Variants in TAF10 observed in about 807,000 individuals in gnomAD.
TAF10 encodes TATA-box binding protein associated factor 10.
Under a neutral mutation model 18.1 loss-of-function variants are expected in TAF10, and 2 were observed. That is an observed-to-expected ratio of 0.11 (90% CI 0.05 to 0.35). The LOEUF is 0.35. TAF10 is among the 10% of genes least tolerant of loss of function. TAF10 has a pLI of 1.00. For synonymous variants in TAF10, 158 were observed against 134.6 expected (o/e 1.17, Z -1.20); for missense variants, 293 against 306.9 (o/e 0.95, Z 0.34).
At chr11:6,611,341 A>C (rs978726312) in intron 3 of TAF10, 38 bp from the exon 4 acceptor site, 1 of 1,614,078 alleles carries the variant, frequency 6.2e-7, no homozygotes, top group Non-Finnish European at 8.5e-7. Context: ...GAGATGGACA[A>C]CATACTGCAC....
Position 6,610,172 on chromosome 11 carries a change from C to CA in TAF10, c.*749dup. 1 of 1,614,226 alleles carries CA rather than the reference C, an allele frequency of 6.2e-7. No individual in the cohort carries two copies. The highest frequency in any genetic ancestry group is 8.5e-7 in the Non-Finnish European group (1 of 1,180,030). On this transcript the variant is annotated 3_prime_UTR_variant, in exon 5 of 5. Coordinates refer to ENST00000299424, the MANE Select transcript of TAF10 (RefSeq NM_006284.4). Reference sequence around the variant, plus strand: ...GCTCTGCAGAAGAAGCCTGAAGACACAAACAGACGCTCAGCAGACATGTGG... The same window carrying CA: ...GCTCTGCAGAAGAAGCCTGAAGACACAAAACAGACGCTCAGCAGACATGTGG...
Position 6,611,028 on chromosome 11 carries a change from G to A in TAF10, c.568-17C>T. Reference sequence around the variant, plus strand: ...CTTGCGGTCCTGAGGGAAGAGGGAAGAGCACCAACTGAGCACAGGAATCCC... The same window carrying A: ...CTTGCGGTCCTGAGGGAAGAGGGAAAAGCACCAACTGAGCACAGGAATCCC... On this transcript the variant is annotated splice_polypyrimidine_tract_variant and intron_variant, in intron 4 of 4. Transcript: ENST00000299424. 1.9e-6 allele frequency: 3 copies of A among 1,613,334 alleles called. No homozygotes were observed. Among genetic ancestry groups the A allele is most frequent in the Non-Finnish European group, 1.7e-6 (2 of 1,179,568 alleles).
intron 2 of TAF10, 47 bp from the exon 3 acceptor site, chr11:6,611,499 A>G (rs779356629): frequency 3.2e-5 from 52 of 1,610,176 alleles, no homozygotes; most frequent in Admixed American, 6.7e-5. Context: ...GAGGAGGGTG[A>G]GGGAAATGGA....
Position 6,610,138 on chromosome 11 carries a change from A to C in TAF10, c.*784T>G, listed in dbSNP as rs769283883. 9.4e-5 allele frequency: 151 copies of C among 1,614,098 alleles called. No homozygotes were observed. The highest frequency in any genetic ancestry group is 1.3e-4 in the East Asian group (6 of 44,902). On this transcript the variant is annotated 3_prime_UTR_variant, in exon 5 of 5. Coordinates refer to ENST00000299424, the MANE Select transcript of TAF10 (RefSeq NM_006284.4). ...AAGGGGGCCAGAACAGACAAGCCCT[A>C]TCTCTCCAGCTCTGCAGAAGAAGCC...
rs767511440 is a variant in TAF10, at chr11:6,611,671, G to A, written c.380C>T (p.Thr127Met). ...GTTCGGGCGGAAGCCCACCGTAGGC[G>A]TGTAATCTTCCAGCTGCATCAAGAA... is the stretch of plus-strand genomic sequence containing the variant. Reference protein sequence around the residue: ...VDFLMQLEDYTPTIPDAVTGY... With the variant: ...VDFLMQLEDYMPTIPDAVTGY... Residue 127 changes from threonine (T) to methionine (M), a missense_variant, in exon 2 of 5, where the codon ACG (threonine) becomes ATG (methionine). Thr to Met is a moderately conservative substitution (Grantham distance 81, BLOSUM62 -1). Coordinates refer to ENST00000299424, the MANE Select transcript of TAF10 (RefSeq NM_006284.4). The A allele has an allele frequency of 1.9e-6, 3 of 1,590,608 alleles. No individual in the cohort carries two copies. The highest frequency in any genetic ancestry group is 1.7e-6 in the Non-Finnish European group (2 of 1,167,646).
In TAF10 at chr11:6,610,715, A is replaced by T; in HGVS notation, c.*207T>A. The T allele has an allele frequency of 6.9e-7, 1 of 1,451,208 alleles. No homozygotes were observed. Among genetic ancestry groups the T allele is most frequent in the Non-Finnish European group, 9.6e-7 (1 of 1,040,812 alleles). The allele number at this position is 1,451,208 out of a possible 1,614,324, so 89.9% of individuals were successfully genotyped here. A position where few individuals can be genotyped will look rare whatever the true frequency, so the allele number is the denominator to read the frequency against. ...CTGGTTGCCTCCCCCGCCTCCAGTC[A>T]TGGTACTACCCCAGCCATGGGGTCC... On this transcript the variant is annotated 3_prime_UTR_variant, in exon 5 of 5. Coordinates refer to ENST00000299424, the MANE Select transcript of TAF10 (RefSeq NM_006284.4).
In TAF10 at chr11:6,609,358, C is replaced by T; in HGVS notation, c.*1564G>A. Reference sequence around the variant, plus strand: ...TCGTGAAGGTGCTGAAGGTTCGAGACTGGAGTACAAGGAAGAGCAGGGACT... The same window carrying T: ...TCGTGAAGGTGCTGAAGGTTCGAGATTGGAGTACAAGGAAGAGCAGGGACT... On this transcript the variant is annotated 3_prime_UTR_variant, in exon 5 of 5. Transcript: ENST00000299424. 6.2e-7 allele frequency: 1 copy of T among 1,614,140 alleles called. No individual in the cohort carries two copies.
In TAF10 at chr11:6,610,410, C is replaced by T; in HGVS notation, c.*512G>A. ...CCTGTCCCAAGGGCCAGTGGCTTCTCTCTACATGACAGACTCAAATTGTGA... is the reference window on the plus strand; with the variant it reads ...CCTGTCCCAAGGGCCAGTGGCTTCTTTCTACATGACAGACTCAAATTGTGA... On this transcript the variant is annotated 3_prime_UTR_variant, in exon 5 of 5. Transcript: ENST00000299424. The T allele has an allele frequency of 6.2e-7, 1 of 1,613,936 alleles. No individual in the cohort carries two copies. Among genetic ancestry groups the T allele is most frequent in the Non-Finnish European group, 8.5e-7 (1 of 1,179,900 alleles).
rs766187520 is a variant in TAF10 at position 6,611,658 on chromosome 11, G to A, written c.387+6C>T. Reference sequence around the variant, plus strand: ...GCTAGGTGGCCTTGTTCGGGCGGAAGCCCACCGTAGGCGTGTAATCTTCCA... The same window carrying A: ...GCTAGGTGGCCTTGTTCGGGCGGAAACCCACCGTAGGCGTGTAATCTTCCA... On this transcript the variant is annotated splice_donor_region_variant and intron_variant, in intron 2 of 4. Coordinates refer to ENST00000299424, the MANE Select transcript of TAF10 (RefSeq NM_006284.4). 1 of 1,579,570 alleles carries A rather than the reference G, an allele frequency of 6.3e-7. No individual in the cohort carries two copies. The highest frequency in any genetic ancestry group is 1.2e-5 in the South Asian group (1 of 86,446).
chr11:6,610,289 A>C lies in TAF10; in HGVS notation c.*633T>G. On this transcript the variant is annotated 3_prime_UTR_variant, in exon 5 of 5. Transcript: ENST00000299424. The stretch of plus-strand genomic sequence containing the variant: ...GAGATTGGAATGAAGGTGAGAGCAC[A>C]ACAGCATACATTTGTGTTGCGGGAG... The C allele has an allele frequency of 6.8e-6, 11 of 1,614,154 alleles. No individual in the cohort carries two copies. Among genetic ancestry groups the C allele is most frequent in the Non-Finnish European group, 9.3e-6 (11 of 1,180,044 alleles).
Position 6,609,701 on chromosome 11 carries a change from A to G in TAF10, c.*1221T>C, listed in dbSNP as rs770562479. Reference sequence around the variant, plus strand: ...GGCAGAGAGGGAGCCTCTCTGAACTATTTGACTTTTGCCTCCTCTCAGATT... The same window carrying G: ...GGCAGAGAGGGAGCCTCTCTGAACTGTTTGACTTTTGCCTCCTCTCAGATT... On this transcript the variant is annotated 3_prime_UTR_variant, in exon 5 of 5. Coordinates refer to ENST00000299424, the MANE Select transcript of TAF10 (RefSeq NM_006284.4). The G allele has an allele frequency of 2.7e-5, 44 of 1,614,010 alleles. No homozygotes were observed. Among genetic ancestry groups the G allele is most frequent in the Non-Finnish European group, 3.6e-5 (43 of 1,180,022 alleles).
rs377346771 is a variant in TAF10 at position 6,609,057 on chromosome 11, G to A, written c.*1865C>T. On this transcript the variant is annotated 3_prime_UTR_variant, in exon 5 of 5. Coordinates refer to ENST00000299424, the MANE Select transcript of TAF10 (RefSeq NM_006284.4). ...TAGGGTGAAGCTGGGTACCTGACCT[G>A]CCCACACTCTTAGGAAATGGAACCC... 111 of 1,613,034 alleles carry A rather than the reference G, an allele frequency of 6.9e-5. No homozygotes were observed. Among genetic ancestry groups the A allele is most frequent in the Non-Finnish European group, 8.3e-5 (98 of 1,179,106 alleles).
At position 6,608,169 on chromosome 11, in the gene TAF10, G is replaced by A; in HGVS notation, c.*2753C>T. 6.2e-7 allele frequency: 1 copy of A among 1,614,178 alleles called. No individual in the cohort carries two copies. The highest frequency in any genetic ancestry group is 8.5e-7 in the Non-Finnish European group (1 of 1,180,030). On this transcript the variant is annotated 3_prime_UTR_variant, in exon 5 of 5. Transcript: ENST00000299424. This position sits in a 1 kb window ranked among gnomAD's most constrained non-coding sequence, Gnocchi z 4.9. ...TGAACCGTGGGGATGACACCCCCCT[G>A]CATCTGGCAGCCAGTCATGGACACC...
rs200599853 is a variant in TAF10 at position 6,610,417 on chromosome 11, T to C, written c.*505A>G. 11 of 1,613,962 alleles carry C rather than the reference T, an allele frequency of 6.8e-6. No individual in the cohort carries two copies. The East Asian group carries it at 2.4e-4, about 36-fold the overall frequency. ...CAAGGGCCAGTGGCTTCTCTCTACA[T>C]GACAGACTCAAATTGTGAGGCTGCT... On this transcript the variant is annotated 3_prime_UTR_variant, in exon 5 of 5. Coordinates refer to ENST00000299424, the MANE Select transcript of TAF10 (RefSeq NM_006284.4).
Position 6,610,274 on chromosome 11 carries a change from T to C in TAF10, c.*648A>G. On this transcript the variant is annotated 3_prime_UTR_variant, in exon 5 of 5. Transcript: ENST00000299424. The stretch of plus-strand genomic sequence containing the variant: ...GACCTCTCCAATATGGAGATTGGAA[T>C]GAAGGTGAGAGCACAACAGCATACA... 6.2e-7 allele frequency: 1 copy of C among 1,614,142 alleles called. No individual in the cohort carries two copies. Among genetic ancestry groups the C allele is most frequent in the Non-Finnish European group, 8.5e-7 (1 of 1,180,018 alleles).
rs1855425040 is a variant in TAF10, at chr11:6,610,795, T to C, written c.*127A>G. ...CCCCAAGAGGGGCGGGCTCAGAGCTTTGTCACTTGCCACATGGTGTCTCCC... is the reference window on the plus strand; with the variant it reads ...CCCCAAGAGGGGCGGGCTCAGAGCTCTGTCACTTGCCACATGGTGTCTCCC... On this transcript the variant is annotated 3_prime_UTR_variant, in exon 5 of 5. Transcript: ENST00000299424. 4 of 1,356,342 alleles carry C rather than the reference T, an allele frequency of 2.9e-6. No individual in the cohort carries two copies. The highest frequency in any genetic ancestry group is 1.4e-5 in the African/African-American group (1 of 69,988). 84.0% of individuals were successfully genotyped at this position (1,356,342 alleles called of 1,614,324 possible). A position where few individuals can be genotyped will look rare whatever the true frequency, so the allele number is the denominator to read the frequency against.
Position 6,609,364 on chromosome 11 carries a change from T to G in TAF10, c.*1558A>C, listed in dbSNP as rs1589939088. The stretch of plus-strand genomic sequence containing the variant: ...AGGTGCTGAAGGTTCGAGACTGGAG[T>G]ACAAGGAAGAGCAGGGACTTCAATG... On this transcript the variant is annotated 3_prime_UTR_variant, in exon 5 of 5. Coordinates refer to ENST00000299424, the MANE Select transcript of TAF10 (RefSeq NM_006284.4). 1 of 1,613,712 alleles carries G rather than the reference T, an allele frequency of 6.2e-7. No homozygotes were observed. Among genetic ancestry groups the G allele is most frequent in the East Asian group, 2.2e-5 (1 of 44,868 alleles).
At chr11:6,611,131 G>A (rs150232603) in intron 4 of TAF10, 58 bp downstream of exon 4, 18 of 1,593,630 alleles carry the variant, frequency 1.1e-5, no homozygotes, top group Non-Finnish European at 1.4e-5. Flanking sequence ...AGGGGTGGCA[G>A]GATAAGCCTC....
At position 6,612,035 on chromosome 11, in the gene TAF10, G is replaced by T. The variant is rs540984798; in HGVS notation, c.155C>A (p.Pro52His). The change falls in exon 1 of 5, where the codon CCT becomes CAT. Residue 52 changes from proline (P) to histidine (H), a missense_variant. Pro to His is a moderately conservative substitution (Grantham distance 77). Transcript: ENST00000299424. ...GCCCCCAGCAGCTGCTCCAGCCCCA[G>T]GTCCCCCCGCTGTCCCCGCGGGGCT... ...KASPAGTAGG[P>H]GAGAAAGGTG... is the part of the protein sequence containing the mutation. The T allele has an allele frequency of 4.9e-4, 742 of 1,499,516 alleles. No individual in the cohort carries two copies. Among genetic ancestry groups the T allele is most frequent in the Non-Finnish European group, 6.0e-4 (685 of 1,132,862 alleles). 92.9% of individuals were successfully genotyped at this position (1,499,516 alleles called of 1,614,324 possible). A position where few individuals can be genotyped will look rare whatever the true frequency, so the allele number is the denominator to read the frequency against.
Sources: allele counts gnomAD v4.1 joint callset, GRCh38; gene constraint gnomAD v4.1.1; non-coding constraint Gnocchi (gnomAD v3.1); transcripts MANE v1.5; gene names NCBI Gene and HGNC (gene_info 2026-07-23, HGNC 2026-07-21).